Variants in SLIT3 observed in about 807,000 individuals in gnomAD.
The protein encoded by SLIT3 is slit homolog 3 protein.
A neutral mutation model predicts 184.0 loss-of-function variants in SLIT3; 68 were observed. The ratio of observed to expected loss-of-function variants is 0.37; its 90% CI spans 0.30 to 0.45. The LOEUF is 0.45. SLIT3 is among the 20% of genes least tolerant of loss of function. The probability of loss-of-function intolerance (pLI) is 1.00; values close to 1 mark genes in which losing one functional copy is unlikely to be tolerated. For synonymous variants in SLIT3, 831 were observed against 828.6 expected, an observed-to-expected ratio of 1.00 and a Z score of -0.05; for missense variants, 1,707 against 2,026.0, an observed-to-expected ratio of 0.84 and a Z score of 3.02.
chr5:168,898,608 G>A (rs539362703), intron 4 of SLIT3, among the ~76,000 whole-genome samples: 4 of 152,168 alleles, frequency 2.6e-5, no homozygotes, highest in Admixed American at 1.3e-4. Flanking sequence ...CAAATAAATC[G>A]TGAAAAGGGG....
intron 4 of SLIT3, among the ~76,000 whole-genome samples, chr5:168,903,338 G>T (rs946509559): frequency 8.5e-5 from 13 of 152,144 alleles, no homozygotes; most frequent in African/African-American, 3.1e-4. Flanking sequence ...TGGTGTCCCT[G>T]GAAGCTGAAA....
chr5:168,713,108 C>A (rs1340646028), intron 23 of SLIT3, among the ~76,000 whole-genome samples: 3 of 152,206 alleles, frequency 2.0e-5, no homozygotes, highest in African/African-American at 7.2e-5. Context: ...GGGTCCTCAG[C>A]TCCCGAGGAG....
At chr5:169,155,101 C>T (rs1422822728) in intron 4 of SLIT3, among the ~76,000 whole-genome samples, 3 of 152,202 alleles carry the variant, frequency 2.0e-5, no homozygotes, top group Non-Finnish European at 4.4e-5. Flanking sequence ...ACAGTGTGCA[C>T]AATAAGTTGC....
intron 4 of SLIT3, among the ~76,000 whole-genome samples, chr5:169,096,028 T>G (rs1359751496): frequency 6.6e-6 from 1 of 152,230 alleles, no homozygotes; most frequent in East Asian, 1.9e-4. Context: ...ACAAGTATTA[T>G]CTGTCCATTG....
At chr5:169,129,826 T>TTTTGTTTGTTTG (rs374300617) in intron 4 of SLIT3, among the ~76,000 whole-genome samples, 3 of 151,014 alleles carry the variant, frequency 2.0e-5, no homozygotes, top group Admixed American at 6.6e-5. Flanking sequence ...TGGTGGTTTT[T>TTTTGTTTGTTTG]TTTGTTTGTT....
chr5:168,896,556 T>C (rs1760669099), intron 4 of SLIT3, among the ~76,000 whole-genome samples: 1 of 152,148 alleles, frequency 6.6e-6, no homozygotes, highest in East Asian at 1.9e-4. Flanking sequence ...TAGTAATTGG[T>C]TTCCATTTGG....
At chr5:168,707,580 G>C (rs908082580) in intron 26 of SLIT3, 1 of 172,790 alleles carries the variant, frequency 5.8e-6, no homozygotes, top group East Asian at 1.7e-4. Context: ...TGAGGGTGGG[G>C]TTTGGCAGGG....
chr5:169,204,146 A>G (rs1763989710), intron 3 of SLIT3, among the ~76,000 whole-genome samples: 1 of 151,924 alleles, frequency 6.6e-6, no homozygotes, highest in Non-Finnish European at 1.5e-5. Flanking sequence ...AGCAAGAGAG[A>G]GCATAGTTGT....
intron 4 of SLIT3, among the ~76,000 whole-genome samples, chr5:169,154,212 G>A (rs1385467917): frequency 2.6e-5 from 4 of 152,224 alleles, no homozygotes; most frequent in East Asian, 1.9e-4. Flanking sequence ...CACCCACCTC[G>A]GCCTCCCAAA....
intron 4 of SLIT3, among the ~76,000 whole-genome samples, chr5:168,892,988 G>A (rs1320138004): frequency 1.3e-5 from 2 of 152,138 alleles, no homozygotes; most frequent in Non-Finnish European, 2.9e-5. Context: ...ATATCAGTGG[G>A]GTTCCAACCA....
At chr5:169,066,216 T>C (rs1264887239) in intron 4 of SLIT3, among the ~76,000 whole-genome samples, 2 of 152,210 alleles carry the variant, frequency 1.3e-5, no homozygotes, top group African/African-American at 2.4e-5. Flanking sequence ...AGTGCTACCA[T>C]TACATTTCTC....
chr5:168,854,903 T>C (rs1758807523), intron 5 of SLIT3, among the ~76,000 whole-genome samples: 1 of 152,192 alleles, frequency 6.6e-6, no homozygotes, highest in Admixed American at 6.5e-5. Flanking sequence ...GTCCTTGTAA[T>C]TAACTGCTGA....
At chr5:168,746,265 G>GGCTGT (rs1763795990) in intron 20 of SLIT3, among the ~76,000 whole-genome samples, 1 of 149,482 alleles carries the variant, frequency 6.7e-6, no homozygotes, top group African/African-American at 2.5e-5. Context: ...AGATGTGTGT[G>GGCTGT]GGTGTGGTGA....
intron 3 of SLIT3, among the ~76,000 whole-genome samples, chr5:169,232,523 C>A (rs1346739146): frequency 3.9e-5 from 6 of 152,092 alleles, no homozygotes; most frequent in Admixed American, 1.3e-4. Flanking sequence ...GCACTCCCGG[C>A]CAAAAAATAT....
intron 23 of SLIT3, chr5:168,721,028 A>C (rs1762927378): frequency 6.6e-6 from 1 of 152,190 alleles, no homozygotes; most frequent in Non-Finnish European, 1.5e-5. Flanking sequence ...CTCCATGTTT[A>C]AAATGGGCAG....
intron 4 of SLIT3, among the ~76,000 whole-genome samples, chr5:169,085,998 C>G (rs1581394007): frequency 6.6e-6 from 1 of 152,272 alleles, no homozygotes; most frequent in African/African-American, 2.4e-5. Context: ...CTCCCCAAAT[C>G]ACTTTTCAGA....
intron 4 of SLIT3, among the ~76,000 whole-genome samples, chr5:169,100,845 T>C (rs965167643): frequency 1.1e-4 from 16 of 152,336 alleles, no homozygotes; most frequent in Admixed American, 9.1e-4. Context: ...CTGCGGTCAC[T>C]GGCAGATGAC....
At chr5:169,232,311 G>A (rs527579035) in intron 3 of SLIT3, among the ~76,000 whole-genome samples, 2 of 152,042 alleles carry the variant, frequency 1.3e-5, no homozygotes, top group African/African-American at 4.8e-5. Context: ...TGCAACCTCC[G>A]CCTCTTGGGT....
chr5:168,765,304 C>T (rs1755304152), intron 14 of SLIT3, among the ~76,000 whole-genome samples: 1 of 152,174 alleles, frequency 6.6e-6, no homozygotes, highest in Non-Finnish European at 1.5e-5. Context: ...AATGGAGCCG[C>T]TGACCCATTT....
Sources: gnomAD v4.1 joint callset for allele counts (sites outside exome capture counted in the v4.1 genomes callset) on GRCh38, gnomAD v4.1.1 for gene constraint, MANE v1.5 for transcripts, NCBI Gene and HGNC (gene_info 2026-07-23, HGNC 2026-07-21) for gene names.